KSR1: variants seen among roughly 807,000 people sequenced by gnomAD.
KSR1 encodes kinase suppressor of ras.
In KSR1, 35 loss-of-function variants were observed where a neutral mutation model predicts 92.9. The ratio of observed to expected loss-of-function variants is 0.38; its 90% CI spans 0.29 to 0.50. The LOEUF is 0.50. KSR1 is among the 20% of genes least tolerant of loss of function. The probability of loss-of-function intolerance (pLI) is 0.94; values close to 1 mark genes in which losing one functional copy is unlikely to be tolerated. For missense variants in KSR1, 972 were observed against 1,158.5 expected (o/e 0.84, Z 2.34); for synonymous variants, 467 against 472.6 (o/e 0.99, Z 0.15).
chr17:27,572,459 C>T (rs2072347305), intron 2 of KSR1, among the ~76,000 whole-genome samples: 1 of 152,196 alleles, frequency 6.6e-6, no homozygotes, highest in African/African-American at 2.4e-5. Flanking sequence ...GGCAGTAATT[C>T]CTTGGAGGCA....
At chr17:27,553,535 G>T (rs933142432) in intron 2 of KSR1, among the ~76,000 whole-genome samples, 2 of 152,220 alleles carry the variant, frequency 1.3e-5, no homozygotes, top group Non-Finnish European at 2.9e-5. Context: ...GAGGAAGTGA[G>T]GCTGGAGTGG....
At chr17:27,607,592 C>T (rs931601676) in intron 14 of KSR1, among the ~76,000 whole-genome samples, 1 of 152,156 alleles carries the variant, frequency 6.6e-6, no homozygotes, top group Non-Finnish European at 1.5e-5. Flanking sequence ...TCAGAGTGGT[C>T]CTGCCTTGAA....
chr17:27,602,087 A>G (rs1761258454), intron 11 of KSR1: 8 of 643,910 alleles, frequency 1.2e-5, no homozygotes, highest in Non-Finnish European at 1.6e-5. Context: ...TGATGAGCAT[A>G]ATGGTGTTTA....
intron 6 of KSR1, among the ~76,000 whole-genome samples, chr17:27,588,825 G>A (rs1418417155): frequency 2.0e-5 from 3 of 152,190 alleles, no homozygotes; most frequent in Non-Finnish European, 4.4e-5. Flanking sequence ...TAAGGTCAGG[G>A]TCATGGGAAG....
At chr17:27,576,905 C>T (rs2072527075) in intron 2 of KSR1, among the ~76,000 whole-genome samples, 1 of 152,210 alleles carries the variant, frequency 6.6e-6, no homozygotes, top group South Asian at 2.1e-4. Flanking sequence ...CCACTTTCTT[C>T]ACCGTATGGC....
chr17:27,620,830 A>G (rs1047811030), intron 19 of KSR1, among the ~76,000 whole-genome samples: 12 of 152,022 alleles, frequency 7.9e-5, no homozygotes, highest in African/African-American at 2.9e-4. Flanking sequence ...TTCCCCAAAA[A>G]CCATATAGTC....
intron 1 of KSR1, among the ~76,000 whole-genome samples, chr17:27,475,971 A>ATGAAAT (rs1252623290): frequency 2.0e-5 from 3 of 152,376 alleles, no homozygotes; most frequent in African/African-American, 7.2e-5. Context: ...GGGGAAAACT[A>ATGAAAT]GAGGTGAAAT....
At chr17:27,603,198 A>G (rs1275128732) in intron 11 of KSR1, among the ~76,000 whole-genome samples, 2 of 152,154 alleles carry the variant, frequency 1.3e-5, no homozygotes, top group African/African-American at 2.4e-5. Flanking sequence ...AGGCTCAGGG[A>G]TCAGCCCCAG....
intron 2 of KSR1, among the ~76,000 whole-genome samples, chr17:27,557,239 C>T (rs1598021082): frequency 6.6e-6 from 1 of 152,164 alleles, no homozygotes; most frequent in African/African-American, 2.4e-5. Flanking sequence ...GAAGTCTCCT[C>T]CAAGGTAGCT....
intron 1 of KSR1, among the ~76,000 whole-genome samples, chr17:27,514,441 C>T (rs989276888): frequency 1.3e-5 from 2 of 152,116 alleles, no homozygotes; most frequent in African/African-American, 4.8e-5. Context: ...GGTGGATCAC[C>T]TGAAGTCAGG....
chr17:27,582,971 G>C lies in KSR1; in HGVS notation c.846G>C (p.Lys282Asn). The change falls in exon 4 of 21, where the codon AAG (lysine) becomes AAC (asparagine). Residue 282 changes from lysine (K) to asparagine (N), a missense_variant. By Grantham distance (94) the Lys-to-Asn change is moderately conservative. Coordinates refer to ENST00000644974, the MANE Select transcript of KSR1 (RefSeq NM_001394583.1). ...PTTPQLRRHT[K>N]LKPPRTPPPP... The stretch of plus-strand genomic sequence containing the variant: ...CACCCCAGCTGCGACGGCACACCAA[G>C]CTGAAGCCACCACGGACGCCCCCCC... 1 of 1,227,226 alleles carries C rather than the reference G, an allele frequency of 8.1e-7. No homozygotes were observed. The highest frequency in any genetic ancestry group is 1.1e-6 in the Non-Finnish European group (1 of 894,942). 76.0% of individuals were successfully genotyped at this position (1,227,226 alleles called of 1,614,324 possible). A position where few individuals can be genotyped will look rare whatever the true frequency, so the allele number is the denominator to read the frequency against.
intron 1 of KSR1, among the ~76,000 whole-genome samples, chr17:27,475,676 A>G (rs1481358094): frequency 1.3e-5 from 2 of 152,222 alleles, no homozygotes; most frequent in Non-Finnish European, 2.9e-5. Flanking sequence ...TCCTGAGGCA[A>G]GAATGCAATA....
At chr17:27,466,466 C>T (rs902106704) in intron 1 of KSR1, among the ~76,000 whole-genome samples, 1 of 152,204 alleles carries the variant, frequency 6.6e-6, no homozygotes, top group African/African-American at 2.4e-5. Flanking sequence ...TGCCTGCCTG[C>T]CTGGAGTTTG....
intron 17 of KSR1, among the ~76,000 whole-genome samples, 159 bp downstream of exon 17, chr17:27,610,357 T>C (rs2151246391): frequency 6.6e-6 from 1 of 152,186 alleles, no homozygotes; most frequent in Middle Eastern, 3.4e-3. Context: ...GTTGAGTGCA[T>C]GGTCTTGAGT....
chr17:27,588,507 AG>A lies in KSR1; in HGVS notation c.1021del (p.Asp341IlefsTer6). On this transcript the variant is annotated frameshift_variant, in exon 6 of 21. Transcript: ENST00000644974. LOFTEE classifies it high-confidence loss of function. ...LSHGSPQMVR[R>X]DIGLSVTHRF... ...GCATGGATCCCCACAGATGGTACGG[AG>A]GGATATCGGGCTGTCGGTGACGCAC... 1 of 1,592,960 alleles carries A rather than the reference AG, an allele frequency of 6.3e-7. No individual in the cohort carries two copies. Among genetic ancestry groups the A allele is most frequent in the Non-Finnish European group, 8.5e-7 (1 of 1,169,980 alleles).
At chr17:27,508,726 T>TTTAC (rs1259164368) in intron 1 of KSR1, among the ~76,000 whole-genome samples, 1 of 149,966 alleles carries the variant, frequency 6.7e-6, no homozygotes, top group Admixed American at 6.7e-5. Flanking sequence ...TATTTATTTA[T>TTTAC]TTATTTATTT....
At position 27,542,592 on chromosome 17, in the gene KSR1, T is replaced by A. The variant is rs144325086; in HGVS notation, c.232-7976T>A. 4.5e-3 allele frequency among the ~76,000 whole-genome samples: 688 copies of A among 152,302 alleles called. 8 individuals are homozygous for A. Among genetic ancestry groups the A allele is most frequent in the Admixed American group, 5.1e-3 (78 of 15,300 alleles). Reference sequence around the variant, plus strand: ...TGCAATTTTAGGGTGGAGCTGACTTTGTTTGCAAAGTCAGTCGTCTGGAAA... The same window carrying A: ...TGCAATTTTAGGGTGGAGCTGACTTAGTTTGCAAAGTCAGTCGTCTGGAAA... On this transcript the variant is annotated intron_variant, in intron 1 of 20. Transcript: ENST00000644974.
At chr17:27,567,033 C>T (rs915514084) in intron 2 of KSR1, among the ~76,000 whole-genome samples, 9 of 152,274 alleles carry the variant, frequency 5.9e-5, no homozygotes, top group African/African-American at 2.2e-4. Context: ...TTACTCAGGG[C>T]TTGCAGTGTC....
At chr17:27,597,747 T>C (rs1012296931) in intron 10 of KSR1, among the ~76,000 whole-genome samples, 1 of 152,014 alleles carries the variant, frequency 6.6e-6, no homozygotes, top group African/African-American at 2.4e-5. Flanking sequence ...CTTCATGGGG[T>C]GGCCTCTCCT....
Sources: gnomAD v4.1 joint callset for allele counts (sites outside exome capture counted in the v4.1 genomes callset) on GRCh38, gnomAD v4.1.1 for gene constraint, MANE v1.5 for transcripts, NCBI Gene and HGNC (gene_info 2026-07-23, HGNC 2026-07-21) for gene names.